Variants in RAB44 observed in about 807,000 individuals in gnomAD.
RAB44 encodes the protein RAB44, member RAS oncogene family.
In RAB44, 67 loss-of-function variants were observed where a neutral mutation model predicts 93.3. The observed-to-expected ratio is 0.72, with a 90% CI of 0.59 to 0.88. RAB44 has a LOEUF of 0.88. Ranked by LOEUF, RAB44 falls within the 40% of genes least tolerant of loss-of-function variation. The probability of loss-of-function intolerance (pLI) is 0.00; values close to 1 mark genes in which losing one functional copy is unlikely to be tolerated. For missense variants in RAB44, 1,064 were observed against 1,261.7 expected (o/e 0.84, Z 2.37); for synonymous variants, 427 against 520.3 (o/e 0.82, Z 2.44).
chr6:36,709,899 C>T (rs530481864), intron 2 of RAB44, among the ~76,000 whole-genome samples: 1 of 152,264 alleles, frequency 6.6e-6, no homozygotes, highest in East Asian at 1.9e-4. Context: ...ACCTCTTTCA[C>T]AGAAAGAACT....
At position 36,728,939 on chromosome 6, in the gene RAB44, C is replaced by T. The variant is rs1015001063; in HGVS notation, c.2898+138C>T. The T allele has an allele frequency of 5.2e-5, 37 of 714,074 alleles. No homozygotes were observed. The African/African-American group carries it at 5.4e-4, about 10-fold the overall frequency. 44.2% of individuals were successfully genotyped at this position (714,074 alleles called of 1,614,324 possible). On this transcript the variant is annotated intron_variant, in intron 12 of 13. Coordinates refer to ENST00000612677, the MANE Select transcript of RAB44 (RefSeq NM_001257357.2). ...TTCCTGCCCCTGCCCCAACCAAAGGCCTGTTCAGAGTGGACAGCAGCCTAG... is the reference window on the plus strand; with the variant it reads ...TTCCTGCCCCTGCCCCAACCAAAGGTCTGTTCAGAGTGGACAGCAGCCTAG...
chr6:36,715,739 G>C (rs547806638), intron 4 of RAB44, 86 bp downstream of exon 4: 2 of 1,389,170 alleles, frequency 1.4e-6, no homozygotes, highest in East Asian at 5.0e-5. Context: ...GGGGTCAAGG[G>C]GGCAGGCGCC....
chr6:36,699,547 C>G (rs955338898), intron 1 of RAB44, among the ~76,000 whole-genome samples: 1 of 152,164 alleles, frequency 6.6e-6, no homozygotes, highest in African/African-American at 2.4e-5. Flanking sequence ...ACGCCCACCC[C>G]GTTCCAAAGC....
rs1415104139 is a variant in RAB44 at position 36,721,742 on chromosome 6, T to C, written c.1608T>C (p.Ala536=). 1.1e-5 allele frequency: 13 copies of C among 1,234,042 alleles called. No individual in the cohort carries two copies. Among genetic ancestry groups the C allele is most frequent in the Non-Finnish European group, 1.3e-5 (13 of 988,240 alleles). 76.4% of individuals were successfully genotyped at this position (1,234,042 alleles called of 1,614,324 possible). A position where few individuals can be genotyped will look rare whatever the true frequency, so the allele number is the denominator to read the frequency against. Residue 536 remains alanine, a synonymous_variant, in exon 9 of 14, where the codon GCT becomes GCC. Transcript: ENST00000612677. ...ATGACAAGGGCCCTGGGTCTTGGGCTCCTCCCAGCGGGGCTCAGCCTGGGG... is the reference window on the plus strand; with the variant it reads ...ATGACAAGGGCCCTGGGTCTTGGGCCCCTCCCAGCGGGGCTCAGCCTGGGG... ...DPDDKGPGSW[A]PPSGAQPGAG...
chr6:36,731,362 C>T lies in RAB44; in HGVS notation c.2975+613C>T, dbSNP rs1763360912. Among the ~76,000 whole-genome samples the T allele has an allele frequency of 6.6e-6, 1 of 152,280 alleles. No homozygotes were observed. Among genetic ancestry groups the T allele is most frequent in the South Asian group, 2.1e-4 (1 of 4,826 alleles). ...TGCATTTATCTGTTTTCTTGTTGTC[C>T]AGGAAGGCAGGGCCATGTCTGTTTT... is the stretch of plus-strand genomic sequence containing the variant. On this transcript the variant is annotated intron_variant, in intron 13 of 13. Transcript: ENST00000612677. The surrounding 1 kb of genome is among the most constrained non-coding windows in gnomAD (Gnocchi z 4.0).
intron 2 of RAB44, among the ~76,000 whole-genome samples, chr6:36,704,695 GTATAATTTTAGA>G (rs1762601176): frequency 2.0e-5 from 3 of 152,220 alleles, no homozygotes; most frequent in African/African-American, 7.2e-5. Context: ...TTTGCAAATG[GTATAATTTTAGA>G]CTCATTAAGC....
rs908243093 is a variant in RAB44, at chr6:36,729,735, G to A, written c.2898+934G>A. ...TGACCTCAAGGGATCTGCCTACCTC[G>A]GGCTCCCAAAGTGCTGGGATTACAG... is the stretch of plus-strand genomic sequence containing the variant. On this transcript the variant is annotated intron_variant, in intron 12 of 13. Coordinates refer to ENST00000612677, the MANE Select transcript of RAB44 (RefSeq NM_001257357.2). 1.5e-4 allele frequency among the ~76,000 whole-genome samples: 23 copies of A among 152,018 alleles called. 1 individual carries two copies. The highest frequency in any genetic ancestry group is 1.3e-3 in the Admixed American group (20 of 15,268).
Position 36,704,419 on chromosome 6 carries a change from T to A in RAB44, c.184T>A (p.Phe62Ile), listed in dbSNP as rs1562052107. The A allele has an allele frequency of 2.0e-6, 3 of 1,535,780 alleles. No individual in the cohort carries two copies. The highest frequency in any genetic ancestry group is 2.6e-6 in the Non-Finnish European group (3 of 1,146,820). Residue 62 changes from phenylalanine (F) to isoleucine (I), a missense_variant, in exon 2 of 14, where the codon TTT (phenylalanine) becomes ATT (isoleucine). By Grantham distance (21) the Phe-to-Ile change is conservative. Transcript: ENST00000612677. The stretch of plus-strand genomic sequence containing the variant: ...GGACTGTGGTGCCAAGGAGAGGGGC[T>A]TTGTCACCCGCGAGGACCTGGCGGT... ...FQDCGAKERG[F>I]VTREDLAVAK...
Position 36,722,202 on chromosome 6 carries a change from A to T in RAB44, c.2068A>T (p.Ser690Cys). The T allele has an allele frequency of 8.1e-7, 1 of 1,240,584 alleles. No homozygotes were observed. Among genetic ancestry groups the T allele is most frequent in the Non-Finnish European group, 1.0e-6 (1 of 991,930 alleles). 76.8% of individuals were successfully genotyped at this position (1,240,584 alleles called of 1,614,324 possible). A position where few individuals can be genotyped will look rare whatever the true frequency, so the allele number is the denominator to read the frequency against. Residue 690 changes from serine to cysteine, a missense_variant, in exon 9 of 14, where the codon AGT (serine) becomes TGT (cysteine). Transcript: ENST00000612677. ...KQEGRGGQDL[S>C]SEQSEQSVEA... ...AGAGGGCAGAGGTGGGCAGGACCTC[A>T]GTTCAGAGCAGTCAGAGCAGTCGGT...
chr6:36,718,158 G>C (rs1374320186), intron 6 of RAB44, 40 bp downstream of exon 6: 1 of 1,199,506 alleles, frequency 8.3e-7, no homozygotes, highest in Non-Finnish European at 1.0e-6. Flanking sequence ...CCCACTGCCC[G>C]GGACACCTCT....
intron 4 of RAB44, 148 bp downstream of exon 4, chr6:36,715,801 A>T: frequency 1.3e-6 from 1 of 764,628 alleles, no homozygotes; most frequent in Non-Finnish European, 2.1e-6. Context: ...CTGTGTGACC[A>T]CAGGGATGGC....
At position 36,732,095 on chromosome 6, in the gene RAB44, C is replaced by T. The variant is rs1763376379; in HGVS notation, c.*2C>T. The T allele has an allele frequency of 8.1e-7, 1 of 1,234,080 alleles. No homozygotes were observed. Among genetic ancestry groups the T allele is most frequent in the Admixed American group, 4.2e-5 (1 of 23,716 alleles). 76.4% of individuals were successfully genotyped at this position (1,234,080 alleles called of 1,614,324 possible). A position where few individuals can be genotyped will look rare whatever the true frequency, so the allele number is the denominator to read the frequency against. ...AAGAGATTCGGCTGTTGCTCCTGATCACCTGTCCTGTCCTGGGTAGGATGG... is the reference window on the plus strand; with the variant it reads ...AAGAGATTCGGCTGTTGCTCCTGATTACCTGTCCTGTCCTGGGTAGGATGG... On this transcript the variant is annotated 3_prime_UTR_variant, in exon 14 of 14. Transcript: ENST00000612677.
intron 3 of RAB44, 58 bp from the exon 4 acceptor site, chr6:36,715,421 G>A (rs377306679): frequency 6.7e-7 from 1 of 1,496,212 alleles, no homozygotes. Flanking sequence ...CTGGGTGGGA[G>A]GCCAGGCGTC....
In RAB44 at chr6:36,731,167, A is replaced by C. The variant is rs1021645228; in HGVS notation, c.2975+418A>C. Among the ~76,000 whole-genome samples, 2 of 145,870 alleles carry C rather than the reference A, an allele frequency of 1.4e-5. No homozygotes were observed. Among genetic ancestry groups the C allele is most frequent in the Admixed American group, 6.8e-5 (1 of 14,672 alleles). On this transcript the variant is annotated intron_variant, in intron 13 of 13. Coordinates refer to ENST00000612677, the MANE Select transcript of RAB44 (RefSeq NM_001257357.2). The surrounding 1 kb of genome is among the most constrained non-coding windows in gnomAD (Gnocchi z 4.0). ...CACACACACACATTCACTCACACCC[A>C]CACACACTCACACTCTTACACACAC...
Position 36,728,743 on chromosome 6 carries a change from A to T in RAB44, c.2840A>T (p.Lys947Met), listed in dbSNP as rs1763294639. ...DGVVILLLGN[K>M]MDCEEERQVS... is the part of the protein sequence containing the mutation. ...GTGGTCATCCTTCTCCTGGGAAACA[A>T]GATGGACTGTGAGGAGGAACGGCAA... is the stretch of plus-strand genomic sequence containing the variant. Residue 947 changes from lysine to methionine, a missense_variant, in exon 12 of 14, where the codon AAG (lysine) becomes ATG (methionine). Coordinates refer to ENST00000612677, the MANE Select transcript of RAB44 (RefSeq NM_001257357.2). 1 of 1,550,506 alleles carries T rather than the reference A, an allele frequency of 6.4e-7. No homozygotes were observed. The highest frequency in any genetic ancestry group is 1.2e-5 in the South Asian group (1 of 84,066).
chr6:36,699,647 G>A (rs1161206026), intron 1 of RAB44, among the ~76,000 whole-genome samples: 1 of 152,160 alleles, frequency 6.6e-6, no homozygotes, highest in Non-Finnish European at 1.5e-5. Flanking sequence ...TAGCCTTGGG[G>A]AAGTCCATCC....
rs149480837 is a variant in RAB44 at position 36,715,920 on chromosome 6, G to A, written c.494+267G>A. On this transcript the variant is annotated intron_variant, in intron 4 of 13. Transcript: ENST00000612677. ...CTCATGGGGAGTCCTTCCCACCCCT[G>A]CACCTCCCGGCCCTGTCCTGCCCTG... is the stretch of plus-strand genomic sequence containing the variant. Among the ~76,000 whole-genome samples, 84 of 152,274 alleles carry A rather than the reference G, an allele frequency of 5.5e-4. 1 individual carries two copies. The highest frequency in any genetic ancestry group is 1.7e-3 in the African/African-American group (70 of 41,542).
At chr6:36,719,793 G>A (rs1435962615) in intron 7 of RAB44, among the ~76,000 whole-genome samples, 1 of 152,210 alleles carries the variant, frequency 6.6e-6, no homozygotes, top group Non-Finnish European at 1.5e-5. Flanking sequence ...GCCCTGAGCG[G>A]GCATGAGCTG....
At chr6:36,727,738 G>C (rs758537695) in intron 11 of RAB44, 47 bp downstream of exon 11, 138 of 1,243,186 alleles carry the variant, frequency 1.1e-4, no homozygotes, top group Middle Eastern at 7.4e-4. Context: ...CCAGTCAAGA[G>C]GGATCTTATA....
Sources: allele counts gnomAD v4.1 joint callset (sites outside exome capture counted in the v4.1 genomes callset), GRCh38; gene constraint gnomAD v4.1.1; non-coding constraint Gnocchi (gnomAD v3.1); transcripts MANE v1.5; gene names NCBI Gene and HGNC (gene_info 2026-07-23, HGNC 2026-07-21).